KIF16B: variants seen among roughly 807,000 people sequenced by gnomAD.
The protein encoded by KIF16B is kinesin-like protein KIF16B.
A neutral mutation model predicts 156.3 loss-of-function variants in KIF16B; 98 were observed. The observed-to-expected ratio is 0.63, with a 90% CI of 0.53 to 0.74. The LOEUF is 0.74. Among genes scored for constraint, KIF16B ranks in the 30% least tolerant of loss-of-function variants. KIF16B has a pLI of 0.00. For synonymous variants in KIF16B, 564 were observed against 583.7 expected (o/e 0.97, Z 0.49); for missense variants, 1,421 against 1,606.5 (o/e 0.88, Z 1.97).
At position 16,511,426 on chromosome 20, in the gene KIF16B, T is replaced by A; in HGVS notation, c.548A>T (p.Tyr183Phe). 1 of 1,583,646 alleles carries A rather than the reference T, an allele frequency of 6.3e-7. No individual in the cohort carries two copies. The highest frequency in any genetic ancestry group is 8.6e-7 in the Non-Finnish European group (1 of 1,156,234). ...RVREHPKEGP[Y>F]VEDLSKHLVQ... Reference sequence around the variant, plus strand: ...GAAATATCTACTCTTACCCTCAACATAAGGGCCTTCTTTGGGATGCTCACG... The same window carrying A: ...GAAATATCTACTCTTACCCTCAACAAAAGGGCCTTCTTTGGGATGCTCACG... The change falls in exon 6 of 26, where the codon TAT (tyrosine) becomes TTT (phenylalanine). Residue 183 changes from tyrosine (Y) to phenylalanine (F), a missense_variant. Physicochemically the swap from Tyr to Phe is conservative, Grantham distance 22. Transcript: ENST00000354981.
intron 25 of KIF16B, among the ~76,000 whole-genome samples, chr20:16,297,440 C>A (rs2063404461): frequency 6.6e-6 from 1 of 152,186 alleles, no homozygotes; most frequent in African/African-American, 2.4e-5. Context: ...CGCCTGTAAT[C>A]CCAGCACTTG....
intron 25 of KIF16B, among the ~76,000 whole-genome samples, chr20:16,281,821 C>T (rs2063150489): frequency 6.6e-6 from 1 of 152,050 alleles, no homozygotes; most frequent in East Asian, 1.9e-4. Flanking sequence ...GCACCATCCT[C>T]CACTGCTCAG....
At chr20:16,278,117 A>C (rs899236228) in intron 25 of KIF16B, among the ~76,000 whole-genome samples, 1 of 118,766 alleles carries the variant, frequency 8.4e-6, no homozygotes, top group Non-Finnish European at 1.9e-5. Flanking sequence ...GGCGGAGCCA[A>C]AGGGGGCCTA....
intron 25 of KIF16B, among the ~76,000 whole-genome samples, chr20:16,283,379 G>T: frequency 6.6e-6 from 1 of 152,082 alleles, no homozygotes; most frequent in East Asian, 1.9e-4. Context: ...ATCTCAACTG[G>T]GGCAGCTGAC....
At chr20:16,505,307 ATTAT>A (rs2068741550) in intron 9 of KIF16B, among the ~76,000 whole-genome samples, 1 of 152,082 alleles carries the variant, frequency 6.6e-6, no homozygotes, top group Admixed American at 6.6e-5. Context: ...TGCTGTTACC[ATTAT>A]TTGTTTTATG....
chr20:16,527,918 T>G (rs2069607874), intron 2 of KIF16B, among the ~76,000 whole-genome samples: 1 of 152,034 alleles, frequency 6.6e-6, no homozygotes, highest in African/African-American at 2.4e-5. Context: ...AATTTGGTGG[T>G]TTTTTTTAAT....
chr20:16,352,188 G>T (rs1371935357), intron 23 of KIF16B, among the ~76,000 whole-genome samples: 11 of 152,166 alleles, frequency 7.2e-5, no homozygotes, highest in African/African-American at 1.7e-4. Flanking sequence ...TGACCAGAGG[G>T]CTAGTTACAC....
intron 4 of KIF16B, among the ~76,000 whole-genome samples, chr20:16,515,092 A>G (rs73242000): frequency 0.019 from 2,834 of 152,064 alleles, 83 homozygotes; most frequent in African/African-American, 0.065. Flanking sequence ...TATAAACTAT[A>G]TAATTCTAAC....
intron 12 of KIF16B, among the ~76,000 whole-genome samples, chr20:16,455,210 T>G: frequency 6.6e-6 from 1 of 152,198 alleles, no homozygotes; most frequent in East Asian, 1.9e-4. Context: ...TTTTAAAATA[T>G]ATTTATAACA....
At chr20:16,389,024 AC>A (rs2065297317) in intron 17 of KIF16B, among the ~76,000 whole-genome samples, 1 of 151,852 alleles carries the variant, frequency 6.6e-6, no homozygotes, top group African/African-American at 2.4e-5. Flanking sequence ...CGGAAGGGAG[AC>A]CCCCTGGCAA....
chr20:16,427,136 A>T lies in KIF16B; in HGVS notation c.1580T>A (p.Val527Asp), dbSNP rs1345898859. ...TAGATGTGTGGCCTCCACGATCTGA[A>T]CACCATTCACAGAGCACTGGGACCC... ...LSGSQCSVNG[V>D]QIVEATHLNQ... is the part of the protein sequence containing the mutation. The change falls in exon 15 of 26, where the codon GTT becomes GAT. Residue 527 changes from valine to aspartate, a missense_variant. By Grantham distance (152) the Val-to-Asp change is radical (BLOSUM62 -3). Transcript: ENST00000354981. 1 of 1,611,170 alleles carries T rather than the reference A, an allele frequency of 6.2e-7. No homozygotes were observed.
Position 16,379,689 on chromosome 20 carries a change from C to G in KIF16B, c.2313G>C (p.Glu771Asp), listed in dbSNP as rs1457908016. ...LVAHLEEQLREKQEMIQLLRR... is the reference protein window; with the variant it reads ...LVAHLEEQLRDKQEMIQLLRR... ...GCAGGAGCTGGATCATCTCCTGCTT[C>G]TCTCGGAGCTGCTCTTCCAGATGGG... The change falls in exon 19 of 26, where the codon GAG becomes GAC. Residue 771 changes from glutamate (E) to aspartate (D), a missense_variant. By Grantham distance (45) the Glu-to-Asp change is conservative. Coordinates refer to ENST00000354981, the MANE Select transcript of KIF16B (RefSeq NM_024704.5). The G allele has an allele frequency of 1.9e-6, 3 of 1,614,050 alleles. No homozygotes were observed. Among genetic ancestry groups the G allele is most frequent in the Non-Finnish European group, 1.7e-6 (2 of 1,180,050 alleles).
At chr20:16,394,801 A>G (rs887815241) in intron 17 of KIF16B, among the ~76,000 whole-genome samples, 4 of 152,092 alleles carry the variant, frequency 2.6e-5, no homozygotes, top group Non-Finnish European at 5.9e-5. Context: ...CTTGCAAGGG[A>G]ATGTGGTCTT....
intron 1 of KIF16B, among the ~76,000 whole-genome samples, chr20:16,532,874 G>A (rs114360892): frequency 8.5e-5 from 13 of 152,286 alleles, no homozygotes; most frequent in South Asian, 6.2e-4. Flanking sequence ...CCTGCTGGAA[G>A]CCAGAGACTC....
chr20:16,442,485 T>A (rs2066830197), intron 12 of KIF16B, among the ~76,000 whole-genome samples: 1 of 150,478 alleles, frequency 6.6e-6, no homozygotes, highest in South Asian at 2.1e-4. Flanking sequence ...ATAAATTTGA[T>A]AAATCACACC....
At chr20:16,431,938 A>ACACACACACACACACACACACACACG (rs1163376065) in intron 12 of KIF16B, among the ~76,000 whole-genome samples, 2 of 150,260 alleles carry the variant, frequency 1.3e-5, no homozygotes, top group African/African-American at 4.9e-5. Context: ...ACACACACAC[A>ACACACACACACACACACACACACACG]CGCACAAGTT....
At chr20:16,344,035 T>C (rs1314092271) in intron 23 of KIF16B, among the ~76,000 whole-genome samples, 1 of 152,200 alleles carries the variant, frequency 6.6e-6, no homozygotes, top group East Asian at 1.9e-4. Flanking sequence ...CTCTAAGCTG[T>C]GGCTGGTAAG....
At chr20:16,418,576 T>G (rs1225987447) in intron 15 of KIF16B, among the ~76,000 whole-genome samples, 3 of 152,168 alleles carry the variant, frequency 2.0e-5, no homozygotes, top group Non-Finnish European at 4.4e-5. Context: ...CATTGCCTCC[T>G]GATAAGAAAC....
intron 17 of KIF16B, among the ~76,000 whole-genome samples, chr20:16,404,119 T>C (rs1025897215): frequency 6.6e-6 from 1 of 152,222 alleles, no homozygotes; most frequent in African/African-American, 2.4e-5. Flanking sequence ...TAGAAAATGT[T>C]GTTCTTGTTA....
Sources: gnomAD v4.1 joint callset for allele counts (sites outside exome capture counted in the v4.1 genomes callset) on GRCh38, gnomAD v4.1.1 for gene constraint, MANE v1.5 for transcripts, NCBI Gene and HGNC (gene_info 2026-07-23, HGNC 2026-07-21) for gene names.